Variants in NKAIN2 observed in about 807,000 individuals in gnomAD.
The protein encoded by NKAIN2 is sodium/potassium transporting ATPase interacting 2.
A neutral mutation model predicts 32.6 loss-of-function variants in NKAIN2; 14 were observed. That is an observed-to-expected ratio of 0.43 (90% CI 0.28 to 0.67). The LOEUF (loss-of-function observed/expected upper bound fraction) is 0.67. NKAIN2 is among the 30% of genes least tolerant of loss of function. The probability of loss-of-function intolerance (pLI) is 0.17; values close to 1 mark genes in which losing one functional copy is unlikely to be tolerated. For missense variants in NKAIN2, 198 were observed against 258.3 expected (o/e 0.77, Z 1.60); for synonymous variants, 80 against 87.2 (o/e 0.92, Z 0.46).
chr6:123,916,417 T>C (rs1457066172), intron 1 of NKAIN2, among the ~76,000 whole-genome samples: 1 of 152,006 alleles, frequency 6.6e-6, no homozygotes, highest in African/African-American at 2.4e-5. Flanking sequence ...GCCATCATCA[T>C]ACCTGGCTAA....
intron 4 of NKAIN2, among the ~76,000 whole-genome samples, chr6:124,762,197 G>A (rs555776207): frequency 6.6e-6 from 1 of 152,224 alleles, no homozygotes; most frequent in South Asian, 2.1e-4. Context: ...TTCTCCTGAG[G>A]CCTCTCTCTG....
chr6:124,414,235 C>T (rs571984722), intron 3 of NKAIN2, among the ~76,000 whole-genome samples: 5 of 152,014 alleles, frequency 3.3e-5, no homozygotes, highest in South Asian at 2.1e-4. Flanking sequence ...CAGTTTTTAT[C>T]GGAAATGTGT....
intron 3 of NKAIN2, among the ~76,000 whole-genome samples, chr6:124,551,530 C>A (rs1208085260): frequency 6.6e-6 from 1 of 152,002 alleles, no homozygotes; most frequent in African/African-American, 2.4e-5. Flanking sequence ...AAGACCACTT[C>A]TAAGGTGGGA....
At chr6:124,393,979 G>T (rs757497575) in intron 3 of NKAIN2, among the ~76,000 whole-genome samples, 1 of 152,118 alleles carries the variant, frequency 6.6e-6, no homozygotes, top group African/African-American at 2.4e-5. Flanking sequence ...AGCAAAGAAA[G>T]AGTTGAATCC....
chr6:123,931,049 A>G (rs1031129714), intron 1 of NKAIN2, among the ~76,000 whole-genome samples: 5 of 152,072 alleles, frequency 3.3e-5, no homozygotes, highest in African/African-American at 9.7e-5. Context: ...GTGCAAATAC[A>G]TGGAGTCAGT....
At chr6:123,863,283 A>G (rs1436243583) in intron 1 of NKAIN2, among the ~76,000 whole-genome samples, 1 of 152,228 alleles carries the variant, frequency 6.6e-6, no homozygotes. Flanking sequence ...TGTCAGAAGT[A>G]ATCCACATTT....
chr6:124,472,550 C>G (rs1777016713), intron 3 of NKAIN2, among the ~76,000 whole-genome samples: 1 of 151,938 alleles, frequency 6.6e-6, no homozygotes, highest in African/African-American at 2.4e-5. Flanking sequence ...ATTTCAGGAC[C>G]TGAGACTTGA....
At chr6:124,658,130 T>A in intron 3 of NKAIN2, 56 bp from the exon 4 acceptor site, 1 of 1,368,240 alleles carries the variant, frequency 7.3e-7, no homozygotes, top group Non-Finnish European at 1.0e-6. Flanking sequence ...CAGTCCCAAG[T>A]AAGCTGACTA....
chr6:124,544,196 C>G (rs373675460), intron 3 of NKAIN2, among the ~76,000 whole-genome samples: 5 of 152,058 alleles, frequency 3.3e-5, no homozygotes, highest in Non-Finnish European at 5.9e-5. Context: ...CCCTGAAGAA[C>G]CTTCAGGGAG....
chr6:124,666,009 G>T (rs1772778188), intron 4 of NKAIN2, among the ~76,000 whole-genome samples: 1 of 152,090 alleles, frequency 6.6e-6, no homozygotes, highest in African/African-American at 2.4e-5. Context: ...TCTTGTGCCT[G>T]CAATAGAAAA....
intron 1 of NKAIN2, among the ~76,000 whole-genome samples, chr6:123,974,921 C>A (rs78116254): frequency 6.6e-6 from 1 of 152,240 alleles, no homozygotes; most frequent in East Asian, 1.9e-4. Context: ...GTATTTCCAA[C>A]GCTTACAATA....
chr6:124,575,016 G>T (rs1293136030), intron 3 of NKAIN2, among the ~76,000 whole-genome samples: 1 of 152,122 alleles, frequency 6.6e-6, no homozygotes, highest in East Asian at 1.9e-4. Flanking sequence ...TCTACCACAG[G>T]TTTATCTTAG....
chr6:124,078,151 A>G (rs148704116), intron 1 of NKAIN2, among the ~76,000 whole-genome samples: 87 of 152,272 alleles, frequency 5.7e-4, no homozygotes, highest in African/African-American at 2.1e-3. Flanking sequence ...GTCTAAGTAC[A>G]GATTTTGAAG....
chr6:124,159,455 CAT>C (rs1167028443), intron 1 of NKAIN2, among the ~76,000 whole-genome samples: 1 of 152,052 alleles, frequency 6.6e-6, no homozygotes, highest in Non-Finnish European at 1.5e-5. Context: ...CAGAATGTAA[CAT>C]GTACTTGAAA....
intron 1 of NKAIN2, among the ~76,000 whole-genome samples, chr6:123,953,551 ATGGTT>A (rs1777423141): frequency 6.6e-6 from 1 of 152,028 alleles, no homozygotes; most frequent in African/African-American, 2.4e-5. Context: ...GGACCTATAG[ATGGTT>A]TGTGCATATG....
chr6:123,904,252 GA>G (rs1457887776), intron 1 of NKAIN2, among the ~76,000 whole-genome samples: 1 of 151,354 alleles, frequency 6.6e-6, no homozygotes, highest in Non-Finnish European at 1.5e-5. Flanking sequence ...AAAAAAGAAA[GA>G]AAAAAAAGAA....
chr6:124,770,680 C>T (rs1469575594), intron 4 of NKAIN2, among the ~76,000 whole-genome samples: 7 of 152,036 alleles, frequency 4.6e-5, no homozygotes, highest in South Asian at 2.1e-4. Flanking sequence ...CTCTTATTAA[C>T]GATGCTCTGA....
intron 1 of NKAIN2, among the ~76,000 whole-genome samples, chr6:123,920,567 T>C (rs1158749244): frequency 6.6e-6 from 1 of 152,128 alleles, no homozygotes; most frequent in Non-Finnish European, 1.5e-5. Flanking sequence ...CTAAGGTTTC[T>C]TAATTCTCAG....
chr6:124,182,809 A>C (rs968206825), intron 1 of NKAIN2, among the ~76,000 whole-genome samples: 3 of 152,182 alleles, frequency 2.0e-5, no homozygotes, highest in African/African-American at 7.2e-5. Context: ...GTTGTAACTT[A>C]AAATATTGGG....
Sources: allele counts gnomAD v4.1 joint callset (sites outside exome capture counted in the v4.1 genomes callset), GRCh38; gene constraint gnomAD v4.1.1; transcripts MANE v1.5; gene names NCBI Gene and HGNC (gene_info 2026-07-23, HGNC 2026-07-21).